ABI3BP: variants seen among roughly 807,000 people sequenced by gnomAD.
The protein encoded by ABI3BP is ABI family member 3 binding protein.
ABI3BP carries 216 observed loss-of-function variants against 268.6 expected under a neutral mutation model. The observed-to-expected ratio is 0.80, with a 90% CI of 0.72 to 0.90. The LOEUF (loss-of-function observed/expected upper bound fraction) is 0.90, where lower values mean the gene tolerates loss of function less well. Among genes scored for constraint, ABI3BP ranks in the 40% least tolerant of loss-of-function variants. ABI3BP has a pLI of 0.00. For missense variants in ABI3BP, 2,090 were observed against 2,182.4 expected (o/e 0.96, Z 0.84); for synonymous variants, 730 against 730.0 (o/e 1.00, Z 0.00).
At chr3:100,869,044 C>T (rs1289037492) in intron 9 of ABI3BP, among the ~76,000 whole-genome samples, 1 of 151,974 alleles carries the variant, frequency 6.6e-6, no homozygotes, top group Non-Finnish European at 1.5e-5. Flanking sequence ...CTTCTCCTTC[C>T]AGGGCTCCTT....
At chr3:100,961,782 C>T (rs1318137016) in intron 1 of ABI3BP, among the ~76,000 whole-genome samples, 2 of 152,208 alleles carry the variant, frequency 1.3e-5, no homozygotes, top group African/African-American at 4.8e-5. Flanking sequence ...ACTACTTTCA[C>T]CACACTCTTA....
rs77070067 is a variant in ABI3BP at position 100,762,951 on chromosome 3, A to G, written c.4850+2890T>C. Among the ~76,000 whole-genome samples, 140 of 152,324 alleles carry G rather than the reference A, an allele frequency of 9.2e-4. 4 individuals are homozygous for G. In the East Asian group the frequency reaches 0.026, roughly 28 times the overall value. ...ATGATCCATTAGTTAGGGACTACCA[A>G]TATAATCCTGGCCAAATCATTTATA... On this transcript the variant is annotated intron_variant, in intron 63 of 67. Coordinates refer to ENST00000471714, the MANE Select transcript of ABI3BP (RefSeq NM_001375547.2).
chr3:100,859,210 A>G (rs890937182), intron 14 of ABI3BP, among the ~76,000 whole-genome samples: 1 of 152,184 alleles, frequency 6.6e-6, no homozygotes, highest in Admixed American at 6.5e-5. Context: ...GCTGAAAGGA[A>G]TTGATATAGT....
intron 61 of ABI3BP, among the ~76,000 whole-genome samples, chr3:100,773,583 A>C (rs574703285): frequency 5.8e-4 from 88 of 152,300 alleles, no homozygotes; most frequent in Non-Finnish European, 9.9e-4. Context: ...TCATGTAGCC[A>C]CCCCTTCCTA....
In ABI3BP at chr3:100,848,799, A is replaced by AAATATAAAGAG. The variant is rs750556911; in HGVS notation, c.1576+1_1576+2insCTCTTTATATT. 3.8e-5 allele frequency: 61 copies of AAATATAAAGAG among 1,609,772 alleles called. 1 individual carries two copies. In the South Asian group the frequency reaches 6.6e-4, roughly 17 times the overall value. Reference sequence around the variant, plus strand: ...ATCATGTAAATATAAAGAGACATTTACCAGGTTTGGTTCTTGGCGGTTTGG... The same window carrying AAATATAAAGAG: ...ATCATGTAAATATAAAGAGACATTTAAATATAAAGAGCCAGGTTTGGTTCTTGGCGGTTTGG... On this transcript the variant is annotated splice_donor_variant, in intron 18 of 67. Transcript: ENST00000471714. LOFTEE classifies it high-confidence loss of function.
At chr3:100,962,294 G>A (rs2079430322) in intron 1 of ABI3BP, among the ~76,000 whole-genome samples, 1 of 152,060 alleles carries the variant, frequency 6.6e-6, no homozygotes, top group South Asian at 2.1e-4. Flanking sequence ...TTCTTGTTCT[G>A]CATAACAGGA....
intron 23 of ABI3BP, 137 bp downstream of exon 23, chr3:100,839,935 A>G (rs1286567928): frequency 7.6e-6 from 5 of 660,784 alleles, no homozygotes; most frequent in Non-Finnish European, 1.3e-5. Flanking sequence ...ATGAATATAG[A>G]AACTGAGTAC....
intron 1 of ABI3BP, among the ~76,000 whole-genome samples, chr3:100,964,416 C>T (rs1021348926): frequency 1.3e-5 from 2 of 152,188 alleles, no homozygotes; most frequent in Admixed American, 6.5e-5. Context: ...GGGCATCCGC[C>T]GCCAGCCGGT....
intron 2 of ABI3BP, among the ~76,000 whole-genome samples, chr3:100,907,755 A>G (rs1407735972): frequency 6.6e-6 from 1 of 152,056 alleles, no homozygotes; most frequent in African/African-American, 2.4e-5. Flanking sequence ...CAGAATCTGG[A>G]TCTGACAGCA....
At chr3:100,804,210 C>A (rs1466327454) in intron 51 of ABI3BP, among the ~76,000 whole-genome samples, 1 of 152,120 alleles carries the variant, frequency 6.6e-6, no homozygotes, top group African/African-American at 2.4e-5. Context: ...CATGAGATTA[C>A]CTTCCCCATA....
At chr3:100,959,836 C>T (rs976497381) in intron 1 of ABI3BP, among the ~76,000 whole-genome samples, 2 of 152,184 alleles carry the variant, frequency 1.3e-5, no homozygotes, top group African/African-American at 4.8e-5. Flanking sequence ...CCAGTTGTCT[C>T]AAACTACCAC....
At chr3:100,897,624 T>C (rs2048330170) in intron 4 of ABI3BP, among the ~76,000 whole-genome samples, 1 of 152,204 alleles carries the variant, frequency 6.6e-6, no homozygotes, top group African/African-American at 2.4e-5. Context: ...TCTATGGTGA[T>C]AGAAATCAAA....
chr3:100,943,346 C>T (rs914672251), intron 1 of ABI3BP, among the ~76,000 whole-genome samples: 6 of 152,100 alleles, frequency 3.9e-5, no homozygotes, highest in Admixed American at 6.6e-5. Flanking sequence ...ACTCTTCACC[C>T]CCAAACACTT....
Position 100,786,957 on chromosome 3 carries a change from T to G in ABI3BP, c.4162+771A>C, listed in dbSNP as rs533352445. Among the ~76,000 whole-genome samples the G allele has an allele frequency of 1.0e-3, 159 of 152,270 alleles. 1 individual carries two copies. The highest frequency in any genetic ancestry group is 3.7e-3 in the African/African-American group (155 of 41,556). ...CTCTAGGTATTATTCACATCTCTTT[T>G]TCATTAGAGAACCGTCATGGGTTCA... On this transcript the variant is annotated intron_variant, in intron 57 of 67. Coordinates refer to ENST00000471714, the MANE Select transcript of ABI3BP (RefSeq NM_001375547.2).
At chr3:100,776,694 G>A (rs915754833) in intron 59 of ABI3BP, among the ~76,000 whole-genome samples, 7 of 152,204 alleles carry the variant, frequency 4.6e-5, no homozygotes, top group African/African-American at 1.4e-4. Context: ...TTGAGTTAGA[G>A]GTGAATGGTG....
chr3:100,903,469 G>A (rs1217958868), intron 2 of ABI3BP, among the ~76,000 whole-genome samples: 2 of 152,166 alleles, frequency 1.3e-5, no homozygotes, highest in Non-Finnish European at 2.9e-5. Flanking sequence ...ATATGAAATA[G>A]CATTTTATAA....
intron 28 of ABI3BP, among the ~76,000 whole-genome samples, chr3:100,835,008 A>C (rs1560596837): frequency 6.6e-6 from 1 of 152,190 alleles, no homozygotes; most frequent in East Asian, 1.9e-4. Flanking sequence ...CTTTATTATT[A>C]GTTGCTGGTA....
At chr3:100,970,234 T>C (rs1245645976) in intron 1 of ABI3BP, among the ~76,000 whole-genome samples, 1 of 152,216 alleles carries the variant, frequency 6.6e-6, no homozygotes, top group Non-Finnish European at 1.5e-5. Context: ...CGACTGGCTT[T>C]TGATTTGAAG....
At chr3:100,801,417 T>A in intron 51 of ABI3BP, among the ~76,000 whole-genome samples, 1 of 109,600 alleles carries the variant, frequency 9.1e-6, no homozygotes. Context: ...AACAGAGTGA[T>A]ATCCTGTCAA....
Sources: allele counts gnomAD v4.1 joint callset (sites outside exome capture counted in the v4.1 genomes callset), GRCh38; gene constraint gnomAD v4.1.1; transcripts MANE v1.5; gene names NCBI Gene and HGNC (gene_info 2026-07-23, HGNC 2026-07-21).